PIK3C2G: variants seen among roughly 807,000 people sequenced by gnomAD.
PIK3C2G encodes phosphatidylinositol-4-phosphate 3-kinase catalytic subunit type 2 gamma, also known as phosphatidylinositol 3-kinase C2 domain-containing subunit gamma.
Under a neutral mutation model 181.1 loss-of-function variants are expected in PIK3C2G, and 168 were observed. The ratio of observed to expected loss-of-function variants is 0.93; its 90% CI spans 0.82 to 1.05. PIK3C2G has a LOEUF of 1.05. Among genes scored for constraint, PIK3C2G ranks in the 50% least tolerant of loss-of-function variants. The pLI, the probability that PIK3C2G is intolerant of heterozygous loss-of-function variation, is 0.00. For missense variants in PIK3C2G, 1,869 were observed against 1,732.8 expected (o/e 1.08, Z -1.40); for synonymous variants, 573 against 592.2 (o/e 0.97, Z 0.47).
intron 29 of PIK3C2G, among the ~76,000 whole-genome samples, chr12:18,569,859 C>T (rs76979803): frequency 0.02 from 2,985 of 152,076 alleles, 104 homozygotes; most frequent in African/African-American, 0.068. Flanking sequence ...TTTGGTCATT[C>T]GGATATCTTC....
chr12:18,316,258 G>T (rs541156945), intron 6 of PIK3C2G, among the ~76,000 whole-genome samples: 3 of 152,152 alleles, frequency 2.0e-5, no homozygotes, highest in African/African-American at 4.8e-5. Flanking sequence ...GTCAGCAAGC[G>T]CAGTTACATA....
chr12:18,689,366 A>T, the PIK3C2G span, among the ~76,000 whole-genome samples: 1 of 152,200 alleles, frequency 6.6e-6, no homozygotes. Context: ...CCTGCGGGCC[A>T]CATGTGGCCC....
chr12:18,252,938 T>A (rs1252112741), intron 1 of PIK3C2G, among the ~76,000 whole-genome samples: 2 of 152,136 alleles, frequency 1.3e-5, no homozygotes, highest in Non-Finnish European at 2.9e-5. Flanking sequence ...GGACAGTGAC[T>A]GTCTCTGGGA....
intron 1 of PIK3C2G, among the ~76,000 whole-genome samples, chr12:18,250,187 C>T (rs1948081967): frequency 6.6e-6 from 1 of 151,934 alleles, no homozygotes; most frequent in Non-Finnish European, 1.5e-5. Context: ...TAGATTTATA[C>T]ATTTTATGTA....
chr12:18,282,610 C>T lies in PIK3C2G; in HGVS notation c.529C>T (p.Pro177Ser), dbSNP rs1949268364. ...YHIGFESSIP[P>S]TNSSFSSDFM... ...TATAGGATTTGAAAGTAGCATTCCT[C>T]CAACAAATTCATCCTTCTCAAGTGA... The change falls in exon 2 of 33, where the codon CCA becomes TCA. Residue 177 changes from proline to serine, a missense_variant. Pro to Ser is a moderately conservative substitution (Grantham distance 74). Coordinates refer to ENST00000538779, the MANE Select transcript of PIK3C2G (RefSeq NM_001288772.2). The T allele has an allele frequency of 5.0e-6, 8 of 1,613,146 alleles. No homozygotes were observed. In the East Asian group the frequency reaches 1.8e-4, roughly 36 times the overall value.
intron 31 of PIK3C2G, among the ~76,000 whole-genome samples, chr12:18,630,922 C>T (rs1412517508): frequency 6.6e-6 from 1 of 152,000 alleles, no homozygotes; most frequent in African/African-American, 2.4e-5. Context: ...TTCTGTATCT[C>T]TAACCCTAAT....
chr12:18,511,897 A>G (rs1443399559), intron 24 of PIK3C2G, among the ~76,000 whole-genome samples: 3 of 152,032 alleles, frequency 2.0e-5, no homozygotes, highest in Non-Finnish European at 2.9e-5. Context: ...GCTGAGACCA[A>G]TGTCATGGAG....
rs369037662 is a variant in PIK3C2G, at chr12:18,566,915, C to T, written c.3903-34C>T. 2.6e-5 allele frequency: 29 copies of T among 1,094,836 alleles called. 1 individual carries two copies. Among genetic ancestry groups the T allele is most frequent in the African/African-American group, 1.6e-4 (10 of 64,270 alleles). 67.8% of individuals were successfully genotyped at this position (1,094,836 alleles called of 1,614,324 possible). Reference sequence around the variant, plus strand: ...TAAGATGAAAAGGCCAGTTTTCAAACTAATGAAGATAACTTTTTTTTCTCT... The same window carrying T: ...TAAGATGAAAAGGCCAGTTTTCAAATTAATGAAGATAACTTTTTTTTCTCT... On this transcript the variant is annotated intron_variant, in intron 28 of 32. Coordinates refer to ENST00000538779, the MANE Select transcript of PIK3C2G (RefSeq NM_001288772.2).
At chr12:18,685,768 A>T in the PIK3C2G span, 1 of 375,270 alleles carries the variant, frequency 2.7e-6, no homozygotes, top group Non-Finnish European at 5.5e-6. Flanking sequence ...TCTTCCTCCA[A>T]TCCTACTTCA....
intron 20 of PIK3C2G, among the ~76,000 whole-genome samples, chr12:18,495,278 T>A (rs1488408460): frequency 6.6e-6 from 1 of 152,064 alleles, no homozygotes; most frequent in Non-Finnish European, 1.5e-5. Flanking sequence ...ATACAGCTTT[T>A]CAATGCTTAA....
At chr12:18,330,490 A>T (rs1345724831) in intron 8 of PIK3C2G, among the ~76,000 whole-genome samples, 2 of 152,154 alleles carry the variant, frequency 1.3e-5, no homozygotes, top group Non-Finnish European at 1.5e-5. Context: ...CATTCTAGTG[A>T]CTATGTGGCA....
Position 18,282,182 on chromosome 12 carries a change from G to A in PIK3C2G, c.101G>A (p.Ser34Asn). The change falls in exon 2 of 33, where the codon AGC (serine) becomes AAC (asparagine). Residue 34 changes from serine to asparagine, a missense_variant. Transcript: ENST00000538779. ...TTTGTAAATCAACCCCATTCTTCTA[G>A]CCAAGTCAGTCTGGGTTTTGATCAG... ...FLFVNQPHSS[S>N]QVSLGFDQIV... is the part of the protein sequence containing the mutation. 2.5e-6 allele frequency: 4 copies of A among 1,612,232 alleles called. No individual in the cohort carries two copies. The highest frequency in any genetic ancestry group is 3.4e-6 in the Non-Finnish European group (4 of 1,178,738).
chr12:18,643,009 A>T (rs1042861640), intron 32 of PIK3C2G, among the ~76,000 whole-genome samples: 7 of 152,094 alleles, frequency 4.6e-5, no homozygotes, highest in South Asian at 2.1e-4. Flanking sequence ...ATGCCTCACT[A>T]TCAAGAAACT....
At chr12:18,327,548 C>T (rs1951401468) in intron 8 of PIK3C2G, among the ~76,000 whole-genome samples, 1 of 151,950 alleles carries the variant, frequency 6.6e-6, no homozygotes, top group Non-Finnish European at 1.5e-5. Flanking sequence ...TTAGGCCAGG[C>T]ATTCTGGCTA....
At chr12:18,607,952 G>A (rs961965153) in intron 30 of PIK3C2G, among the ~76,000 whole-genome samples, 11 of 152,152 alleles carry the variant, frequency 7.2e-5, no homozygotes, top group Non-Finnish European at 1.3e-4. Context: ...ATGAAAAAAT[G>A]CTCATCATCA....
chr12:18,633,447 T>C (rs1949442948), intron 31 of PIK3C2G, among the ~76,000 whole-genome samples: 1 of 152,240 alleles, frequency 6.6e-6, no homozygotes, highest in Non-Finnish European at 1.5e-5. Flanking sequence ...CCATCCTTTA[T>C]TCTATTTGCC....
At chr12:18,412,005 T>A (rs1000008783) in intron 16 of PIK3C2G, among the ~76,000 whole-genome samples, 2 of 152,184 alleles carry the variant, frequency 1.3e-5, no homozygotes, top group African/African-American at 4.8e-5. Context: ...TGGAAGAACT[T>A]GAAAAATATA....
the PIK3C2G span, among the ~76,000 whole-genome samples, chr12:18,709,682 C>T: frequency 6.6e-6 from 1 of 152,020 alleles, no homozygotes; most frequent in Non-Finnish European, 1.5e-5. Context: ...GGGACTTTGA[C>T]ACCAGCCTCG....
At chr12:18,303,204 TTC>T (rs746226921) in intron 5 of PIK3C2G, among the ~76,000 whole-genome samples, 3 of 151,040 alleles carry the variant, frequency 2.0e-5, no homozygotes, top group Non-Finnish European at 4.4e-5. Context: ...TTCTTTTCCT[TTC>T]TTTCTCTTTT....
Sources: allele counts gnomAD v4.1 joint callset (sites outside exome capture counted in the v4.1 genomes callset), GRCh38; gene constraint gnomAD v4.1.1; transcripts MANE v1.5; gene names NCBI Gene and HGNC (gene_info 2026-07-23, HGNC 2026-07-21).